The following UBE2D3 variants were observed in gnomAD, a reference collection of about 807,000 sequenced individuals.
UBE2D3 encodes ubiquitin-conjugating enzyme E2 D3.
UBE2D3 carries 2 observed loss-of-function variants against 22.8 expected under a neutral mutation model. The observed-to-expected ratio is 0.09, with a 90% CI of 0.04 to 0.28. The LOEUF (loss-of-function observed/expected upper bound fraction) is 0.28, where lower values mean the gene tolerates loss of function less well. Among genes scored for constraint, UBE2D3 ranks in the 10% least tolerant of loss-of-function variants. The pLI is 1.00. For synonymous variants in UBE2D3, 56 were observed against 60.4 expected (o/e 0.93, Z 0.34); for missense variants, 27 against 182.5 (o/e 0.15, Z 4.91).
At chr4:102,811,955 A>G in intron 2 of UBE2D3, 1 of 212,086 alleles carries the variant, frequency 4.7e-6, no homozygotes, top group South Asian at 4.8e-5. Context: ...TTGGTCTACT[A>G]GAACAACTTA....
intron 1 of UBE2D3, among the ~76,000 whole-genome samples, chr4:102,844,759 G>A (rs223365): frequency 0.54 from 82,605 of 151,704 alleles, 23,064 homozygotes; most frequent in African/African-American, 0.68. Flanking sequence ...GGTGGGTCAC[G>A]CCTGTAATCT....
Position 102,797,402 on chromosome 4 carries a change from C to G in UBE2D3, c.*13G>C. 6.3e-7 allele frequency: 1 copy of G among 1,595,718 alleles called. No homozygotes were observed. On this transcript the variant is annotated 3_prime_UTR_variant, in exon 8 of 8. Coordinates refer to ENST00000453744, the MANE Select transcript of UBE2D3 (RefSeq NM_181891.3). ...CCAGCTATAATGCAGGTTATTCTGA[C>G]TTTAAGGTAGCATCACATGGCATAC...
intron 2 of UBE2D3, among the ~76,000 whole-genome samples, chr4:102,820,761 A>T (rs1436620581): frequency 1.3e-5 from 2 of 152,186 alleles, no homozygotes; most frequent in Admixed American, 1.3e-4. Context: ...AAAAACAAAG[A>T]TTAACAGCCA....
chr4:102,827,568 C>G, upstream of UBE2D3: 2 of 987,032 alleles, frequency 2.0e-6, no homozygotes, highest in Non-Finnish European at 2.4e-6. Flanking sequence ...AGCTGCCACG[C>G]TCCGCCCCTC....
chr4:102,832,963 C>T (rs1311021262), intron 1 of UBE2D3, among the ~76,000 whole-genome samples: 1 of 147,690 alleles, frequency 6.8e-6, no homozygotes, highest in Non-Finnish European at 1.5e-5. Context: ...CAGCAGTGCA[C>T]TCTAGCCTAG....
intron 2 of UBE2D3, among the ~76,000 whole-genome samples, chr4:102,818,131 G>A (rs1157468160): frequency 9.9e-5 from 15 of 152,146 alleles, no homozygotes; most frequent in Admixed American, 9.8e-4. Flanking sequence ...ACTGAAACAG[G>A]AAAATGTTTG....
intron 1 of UBE2D3, among the ~76,000 whole-genome samples, chr4:102,852,535 C>T (rs142820190): frequency 1.3e-5 from 2 of 152,288 alleles, no homozygotes; most frequent in Admixed American, 1.3e-4. Context: ...GCACTTTTCT[C>T]CATCTTTTTC....
chr4:102,866,184 C>T (rs1336070596), intron 1 of UBE2D3, among the ~76,000 whole-genome samples: 3 of 152,182 alleles, frequency 2.0e-5, no homozygotes, highest in African/African-American at 7.2e-5. Context: ...TACACATTCG[C>T]ATAGCTCATG....
At chr4:102,809,266 A>C in intron 4 of UBE2D3, 1 of 256,660 alleles carries the variant, frequency 3.9e-6, no homozygotes, top group Non-Finnish European at 8.3e-6. Flanking sequence ...AAATATCAAA[A>C]TACAATTAAG....
At chr4:102,864,956 T>C (rs1024937890) in intron 1 of UBE2D3, among the ~76,000 whole-genome samples, 2 of 152,204 alleles carry the variant, frequency 1.3e-5, no homozygotes, top group African/African-American at 4.8e-5. Flanking sequence ...AGAACATAGT[T>C]GTCTGTATGT....
intron 1 of UBE2D3, among the ~76,000 whole-genome samples, chr4:102,847,887 C>A (rs913116198): frequency 2.0e-5 from 3 of 152,070 alleles, no homozygotes; most frequent in African/African-American, 7.2e-5. Flanking sequence ...TTCAAGAGAT[C>A]CTCCCACCGT....
chr4:102,825,873 A>T (rs1730384018), intron 2 of UBE2D3: 1 of 443,074 alleles, frequency 2.3e-6, no homozygotes, highest in Non-Finnish European at 4.5e-6. Context: ...AAAATACAGG[A>T]AGTGGCAACA....
intron 2 of UBE2D3, chr4:102,810,117 C>T (rs1351413781): frequency 1.3e-5 from 5 of 393,744 alleles, no homozygotes; most frequent in African/African-American, 4.2e-5. Flanking sequence ...CTCTTACAAA[C>T]CGAAATAGCT....
intron 7 of UBE2D3, among the ~76,000 whole-genome samples, chr4:102,798,753 C>T (rs531145401): frequency 2.6e-5 from 4 of 151,416 alleles, no homozygotes; most frequent in South Asian, 4.2e-4. Context: ...CAAGCAATAA[C>T]GGCTACCAGA....
In UBE2D3 at chr4:102,795,280, G is replaced by C. The variant is rs1406811635; in HGVS notation, c.*2135C>G. The C allele has an allele frequency of 6.6e-6, 1 of 152,076 alleles. No individual in the cohort carries two copies. The highest frequency in any genetic ancestry group is 1.5e-5 in the Non-Finnish European group (1 of 67,936). 9.4% of individuals were successfully genotyped at this position (152,076 alleles called of 1,614,324 possible). ...GCTATAAAGGTCAATTTGAAAGCCA[G>C]TTAGGGATCCACCGTGTTTCATAAA... On this transcript the variant is annotated 3_prime_UTR_variant, in exon 8 of 8. Coordinates refer to ENST00000453744, the MANE Select transcript of UBE2D3 (RefSeq NM_181891.3).
At position 102,819,030 on chromosome 4, in the gene UBE2D3, A is replaced by G. The variant is rs991399997; in HGVS notation, c.24+7455T>C. ...GACCTGAAAGGATGCTAGGAGAAAC[A>G]TAAGAATGTCCCCTCCCTTGCTGGG... On this transcript the variant is annotated intron_variant, in intron 2 of 7. Transcript: ENST00000453744. Among the ~76,000 whole-genome samples the G allele has an allele frequency of 7.9e-5, 12 of 152,296 alleles. No individual in the cohort carries two copies. In the East Asian group the frequency reaches 9.6e-4, roughly 12 times the overall value.
intron 6 of UBE2D3, among the ~76,000 whole-genome samples, chr4:102,800,754 C>G (rs1208357933): frequency 2.6e-5 from 4 of 152,034 alleles, no homozygotes; most frequent in Non-Finnish European, 4.4e-5. Flanking sequence ...ACATATGAAA[C>G]TTTTATACAA....
intron 2 of UBE2D3, among the ~76,000 whole-genome samples, chr4:102,818,805 T>C (rs1321084360): frequency 6.6e-6 from 1 of 152,192 alleles, no homozygotes; most frequent in African/African-American, 2.4e-5. Context: ...ATACAAAGCC[T>C]GCAAATGGTT....
chr4:102,800,539 A>T (rs1375052163), intron 6 of UBE2D3, among the ~76,000 whole-genome samples: 1 of 152,232 alleles, frequency 6.6e-6, no homozygotes, highest in Middle Eastern at 3.4e-3. Flanking sequence ...TTGGAAACTG[A>T]TATTTAGGTA....
Sources: gnomAD v4.1 joint callset for allele counts (sites outside exome capture counted in the v4.1 genomes callset) on GRCh38, gnomAD v4.1.1 for gene constraint, MANE v1.5 for transcripts, NCBI Gene and HGNC (gene_info 2026-07-23, HGNC 2026-07-21) for gene names.